Variants in NBPF20 observed in about 807,000 individuals in gnomAD.
NBPF20 encodes the protein NBPF member 20, also known as NBPF family member NBPF20.
NBPF20 carries 90 observed loss-of-function variants against 68.1 expected under a neutral mutation model. The observed-to-expected ratio is 1.32, with a 90% confidence interval of 1.11 to 1.58. The LOEUF (loss-of-function observed/expected upper bound fraction) is 1.58, where lower values mean the gene tolerates loss of function less well. NBPF20 is among the 40% of genes most tolerant of loss of function. The pLI is 0.00. For missense variants in NBPF20, 816 were observed against 601.2 expected (o/e 1.36, Z -3.74); for synonymous variants, 290 against 228.1 (o/e 1.27, Z -2.45).
intron 8 of NBPF20, 65 bp from the exon 14 acceptor site, chr1:145,394,000 C>G: frequency 1.2e-6 from 1 of 864,986 alleles, no homozygotes; most frequent in East Asian, 2.4e-5. Context: ...AGAAACATTC[C>G]TCTGTCCAAT....
intron 43 of NBPF20, among the ~76,000 whole-genome samples, chr1:145,366,605 C>CAGAG (rs1661701447): frequency 1.1e-5 from 1 of 88,766 alleles, no homozygotes; most frequent in Non-Finnish European, 2.2e-5. Context: ...CACACACACA[C>CAGAG]ACAGAGAGAA....
upstream of NBPF20, among the ~76,000 whole-genome samples, chr1:145,410,108 T>A (rs587720777): frequency 5.9e-5 from 9 of 152,132 alleles, no homozygotes; most frequent in East Asian, 1.7e-3. Flanking sequence ...ACTGTTAGAT[T>A]TTCAAAGGAG....
At chr1:145,410,082 G>A (rs1377305270), upstream of NBPF20, among the ~76,000 whole-genome samples, 6 of 152,000 alleles carry the variant, frequency 3.9e-5, no homozygotes, top group Non-Finnish European at 7.4e-5. Flanking sequence ...TTTGTGTTAC[G>A]TTTAACCTTT....
chr1:145,397,256 T>A (rs1478410861), intron 7 of NBPF20, among the ~76,000 whole-genome samples: 2 of 151,798 alleles, frequency 1.3e-5, no homozygotes, highest in African/African-American at 2.4e-5. Context: ...TACAGCAGCA[T>A]GATTTATAAT....
intron 3 of NBPF20, among the ~76,000 whole-genome samples, chr1:145,402,791 C>T (rs1553665762): frequency 1.4e-3 from 209 of 148,842 alleles, no homozygotes; most frequent in African/African-American, 4.4e-3. Flanking sequence ...ATTGAAAAGA[C>T]GAAAGAAGAA....
exon 138 of NBPF20, chr1:145,291,430 C>T: frequency 6.2e-7 from 1 of 1,609,844 alleles, no homozygotes; most frequent in Non-Finnish European, 8.5e-7. Context: ...CATCCTATGT[C>T]TGGGCTTCCA....
intron 7 of NBPF20, among the ~76,000 whole-genome samples, chr1:145,398,160 T>C (rs1418078175): frequency 6.6e-6 from 1 of 151,858 alleles, no homozygotes; most frequent in Non-Finnish European, 1.5e-5. Context: ...CTGTCAATAT[T>C]AGACAGATCA....
At chr1:145,296,117 C>T (rs1432793568) in intron 132 of NBPF20, 2 of 53,868 alleles carry the variant, frequency 3.7e-5, no homozygotes, top group Non-Finnish European at 5.9e-5. Context: ...GATTAGGGCG[C>T]CACAGGCATG....
At chr1:145,394,258 T>C (rs1662102699) in intron 8 of NBPF20, among the ~76,000 whole-genome samples, 2 of 151,602 alleles carry the variant, frequency 1.3e-5, no homozygotes, top group Admixed American at 6.5e-5. Context: ...GAGAGACACT[T>C]CAATATTAAG....
At chr1:145,311,963 C>A (rs1488543507) in intron 112 of NBPF20, among the ~76,000 whole-genome samples, 1 of 95,540 alleles carries the variant, frequency 1.0e-5, no homozygotes, top group Non-Finnish European at 2.0e-5. Flanking sequence ...CCAGGTCCAA[C>A]GTCATGAGAG....
Position 145,292,361 on chromosome 1 carries a change from C to T in NBPF20, c.16697+20G>A. 3.0e-6 allele frequency: 2 copies of T among 666,802 alleles called. No individual in the cohort carries two copies. The highest frequency in any genetic ancestry group is 5.1e-5 in the East Asian group (2 of 39,524). 41.3% of individuals were successfully genotyped at this position (666,802 alleles called of 1,614,324 possible). The stretch of plus-strand genomic sequence containing the variant: ...CAGGTGTTAACACAGAATTAAGCAT[C>T]CACAATTGCTGAAAGTCACCTGGGG... On this transcript the variant is annotated intron_variant, in intron 137 of 137. Coordinates refer to ENST00000369373, the Ensembl canonical transcript of NBPF20.
upstream of NBPF20, among the ~76,000 whole-genome samples, chr1:145,406,677 T>C (rs1445188932): frequency 6.7e-6 from 1 of 148,608 alleles, no homozygotes; most frequent in Non-Finnish European, 1.5e-5. Flanking sequence ...CTAATGTTCA[T>C]TTAGATATCT....
At chr1:145,294,978 G>A in intron 133 of NBPF20, 24 bp from the exon 139 acceptor site, 1 of 352,264 alleles carries the variant, frequency 2.8e-6, no homozygotes, top group Non-Finnish European at 4.7e-6. Flanking sequence ...AAAAAGTAAA[G>A]AATAAGCCAG....
At chr1:145,400,058 A>G (rs1463428030) in intron 6 of NBPF20, among the ~76,000 whole-genome samples, 1 of 152,214 alleles carries the variant, frequency 6.6e-6, no homozygotes, top group Non-Finnish European at 1.5e-5. Flanking sequence ...TAGAAATTCC[A>G]TGGACATTGT....
At chr1:145,338,092 C>T (rs1265367654) in intron 79 of NBPF20, among the ~76,000 whole-genome samples, 183 of 73,248 alleles carry the variant, frequency 2.5e-3, no homozygotes, top group Middle Eastern at 9.1e-3. Context: ...GTCCAGGTGA[C>T]ACACTGATGA....
exon 1 of NBPF20, chr1:145,405,413 T>C: frequency 6.4e-7 from 1 of 1,569,904 alleles, no homozygotes; most frequent in South Asian, 1.1e-5. Context: ...ACCTTACTGT[T>C]GTGAAAAATG....
rs376229703 is a variant in NBPF20 at position 145,405,361 on chromosome 1, A to C, written c.-36+49T>G. 3,417 of 1,453,388 alleles carry C rather than the reference A, an allele frequency of 2.4e-3. 42 individuals carry two copies. The highest frequency in any genetic ancestry group is 0.02 in the South Asian group (1,678 of 85,166). 90.0% of individuals were successfully genotyped at this position (1,453,388 alleles called of 1,614,324 possible). ...GGGTTAAAAACTGGTGAAATCAAAT[A>C]GGTTTAATCAGGACTGAGGGATGTC... On this transcript the variant is annotated intron_variant, in intron 1 of 137. Coordinates refer to ENST00000369373, the Ensembl canonical transcript of NBPF20.
At chr1:145,291,550 C>T (rs782676671) in exon 138 of NBPF20, 3 of 1,612,012 alleles carry the variant, frequency 1.9e-6, no homozygotes, top group Non-Finnish European at 1.7e-6. Flanking sequence ...TGACTCCCAT[C>T]TGGAACACCA....
At chr1:145,290,348 TATC>T (rs1307495054) in exon 138 of NBPF20, 2 of 149,578 alleles carry the variant, frequency 1.3e-5, no homozygotes, top group Admixed American at 6.6e-5. Context: ...CCAGTCCTGA[TATC>T]ATAATGGTGA....
Sources: gnomAD v4.1 joint callset for allele counts (sites outside exome capture counted in the v4.1 genomes callset) on GRCh38, gnomAD v4.1.1 for gene constraint, MANE v1.5 for transcripts, NCBI Gene and HGNC (gene_info 2026-07-23, HGNC 2026-07-21) for gene names.